KIAA0586: variants seen among roughly 807,000 people sequenced by gnomAD.
KIAA0586 encodes the protein KIAA0586.
KIAA0586 carries 144 observed loss-of-function variants against 169.8 expected under a neutral mutation model. The observed-to-expected ratio is 0.85, with a 90% CI of 0.74 to 0.97. The LOEUF is 0.97. Ranked by LOEUF, KIAA0586 falls within the 50% of genes least tolerant of loss-of-function variation. The pLI, the probability that KIAA0586 is intolerant of heterozygous loss-of-function variation, is 0.00. For synonymous variants in KIAA0586, 625 were observed against 612.4 expected (o/e 1.02, Z -0.30); for missense variants, 1,854 against 1,823.0 (o/e 1.02, Z -0.31).
At chr14:58,468,261 G>A (rs2040928950) in intron 16 of KIAA0586, among the ~76,000 whole-genome samples, 2 of 151,922 alleles carry the variant, frequency 1.3e-5, no homozygotes. Context: ...TGTTGGCCAG[G>A]CTTGTCTCAA....
intron 10 of KIAA0586, 88 bp downstream of exon 10, chr14:58,456,898 G>A (rs1293177975): frequency 9.5e-6 from 7 of 733,952 alleles, no homozygotes; most frequent in Non-Finnish European, 1.6e-5. Context: ...AAATTAGGAG[G>A]AAGGATGAAG....
chr14:58,507,351 TATATA>T (rs200489419), intron 27 of KIAA0586, among the ~76,000 whole-genome samples: 2,466 of 145,538 alleles, frequency 0.017, 72 homozygotes, highest in African/African-American at 0.057. Flanking sequence ...TATAATATCA[TATATA>T]ATATATCATA....
chr14:58,487,952 C>T lies in KIAA0586; in HGVS notation c.3370C>T (p.Pro1124Ser), dbSNP rs1463751624. Residue 1124 changes from proline to serine, a missense_variant, in exon 23 of 31, where the codon CCA becomes TCA. Physicochemically the swap from Pro to Ser is moderately conservative, Grantham distance 74 (BLOSUM62 -1). Transcript: ENST00000652326. ...PTVTPTTTPP[P>S]AAAVFTPTLS... ...AGTTACCCCTACTACTACACCTCCTCCAGCGGCGGCAGTTTTTACCCCAAC... is the reference window on the plus strand; with the variant it reads ...AGTTACCCCTACTACTACACCTCCTTCAGCGGCGGCAGTTTTTACCCCAAC... The T allele has an allele frequency of 1.9e-6, 3 of 1,613,658 alleles. No individual in the cohort carries two copies. Among genetic ancestry groups the T allele is most frequent in the African/African-American group, 1.3e-5 (1 of 74,902 alleles).
chr14:58,468,723 A>G (rs1003717096), intron 16 of KIAA0586, among the ~76,000 whole-genome samples: 5 of 152,216 alleles, frequency 3.3e-5, no homozygotes, highest in Admixed American at 2.6e-4. Context: ...GCGACTTTCT[A>G]TTGACCAGTC....
chr14:58,459,856 G>A lies in KIAA0586; in HGVS notation c.1670G>A (p.Arg557Lys). The change falls in exon 13 of 31, where the codon AGA becomes AAA. Residue 557 changes from arginine (R) to lysine (K), a missense_variant. Arg to Lys is a conservative substitution (Grantham distance 26). Coordinates refer to ENST00000652326, the MANE Select transcript of KIAA0586 (RefSeq NM_001329943.3). ...GGTTATGTTAAGGATGAACTGTCAA[G>A]AACAGATTATGAACAAAAAAGATTT... The part of the protein sequence containing the change: ...ISAEIQDELS[R>K]TDYEQKRFDQ... 1 of 1,524,956 alleles carries A rather than the reference G, an allele frequency of 6.6e-7. No individual in the cohort carries two copies. The highest frequency in any genetic ancestry group is 8.8e-7 in the Non-Finnish European group (1 of 1,141,092). 94.5% of individuals were successfully genotyped at this position (1,524,956 alleles called of 1,614,324 possible).
chr14:58,497,016 C>T (rs949451503), intron 26 of KIAA0586, among the ~76,000 whole-genome samples: 1 of 151,068 alleles, frequency 6.6e-6, no homozygotes, highest in Non-Finnish European at 1.5e-5. Flanking sequence ...CTTTTGTTGC[C>T]CAGGCAGGAA....
chr14:58,440,041 A>G (rs756587887), intron 4 of KIAA0586: 1 of 220,968 alleles, frequency 4.5e-6, no homozygotes. Context: ...GTCTTTTTTT[A>G]ATTTTTAATT....
chr14:58,561,543 T>C, the KIAA0586 span, among the ~76,000 whole-genome samples: 2 of 152,216 alleles, frequency 1.3e-5, no homozygotes. Context: ...TTGGAAACTT[T>C]ATTAACATAC....
chr14:58,481,951 C>G (rs1402972140), intron 20 of KIAA0586, among the ~76,000 whole-genome samples: 1 of 151,722 alleles, frequency 6.6e-6, no homozygotes, highest in Non-Finnish European at 1.5e-5. Flanking sequence ...GTAGCTGGGA[C>G]TACAGGCGCC....
Position 58,492,133 on chromosome 14 carries a change from G to T in KIAA0586, c.3859-11G>T. ...ATTTATTTTTATTAATTGTCTTTATGTTTCTTTTAGGAGGATGATCCTCCT... is the reference window on the plus strand; with the variant it reads ...ATTTATTTTTATTAATTGTCTTTATTTTTCTTTTAGGAGGATGATCCTCCT... On this transcript the variant is annotated splice_polypyrimidine_tract_variant and intron_variant, in intron 25 of 30. Coordinates refer to ENST00000652326, the MANE Select transcript of KIAA0586 (RefSeq NM_001329943.3). 6.7e-7 allele frequency: 1 copy of T among 1,499,960 alleles called. No individual in the cohort carries two copies. The highest frequency in any genetic ancestry group is 8.9e-7 in the Non-Finnish European group (1 of 1,125,776). 92.9% of individuals were successfully genotyped at this position (1,499,960 alleles called of 1,614,324 possible).
At chr14:58,430,169 CTT>C (rs71448954) in intron 2 of KIAA0586, among the ~76,000 whole-genome samples, 1 of 140,804 alleles carries the variant, frequency 7.1e-6, no homozygotes, top group Non-Finnish European at 1.6e-5. Context: ...GTTGTTTTGT[CTT>C]TTTTTTTTTT....
chr14:58,442,266 C>T (rs546078446), intron 4 of KIAA0586, among the ~76,000 whole-genome samples: 7 of 152,224 alleles, frequency 4.6e-5, no homozygotes, highest in Non-Finnish European at 8.8e-5. Context: ...CATGCCACCA[C>T]GCCCGGCTAA....
chr14:58,470,546 C>A, intron 16 of KIAA0586, 67 bp from the exon 17 acceptor site: 1 of 902,950 alleles, frequency 1.1e-6, no homozygotes, highest in Non-Finnish European at 1.8e-6. Flanking sequence ...CATGTATATA[C>A]ACATACTCAT....
intron 4 of KIAA0586, among the ~76,000 whole-genome samples, chr14:58,438,074 A>G (rs1055559707): frequency 1.3e-5 from 2 of 152,182 alleles, no homozygotes; most frequent in African/African-American, 4.8e-5. Flanking sequence ...AGCAAGCAGG[A>G]TTCTTAGTGG....
intron 29 of KIAA0586, among the ~76,000 whole-genome samples, chr14:58,535,727 A>G (rs1408765974): frequency 1.3e-5 from 2 of 150,208 alleles, no homozygotes; most frequent in Non-Finnish European, 3.0e-5. Flanking sequence ...AGTGAACTCA[A>G]ATTAGTATAA....
chr14:58,487,000 A>AT lies in KIAA0586; in HGVS notation c.3145-3dup, dbSNP rs2042494846. On this transcript the variant is annotated splice_region_variant and splice_polypyrimidine_tract_variant and intron_variant, in intron 21 of 30. Coordinates refer to ENST00000652326, the MANE Select transcript of KIAA0586 (RefSeq NM_001329943.3). Reference sequence around the variant, plus strand: ...AAACACAGTTTATCTTGTTTTATTTATTTTAGGCAAGAGTGTGCACCCCAC... The same window carrying AT: ...AAACACAGTTTATCTTGTTTTATTTATTTTTAGGCAAGAGTGTGCACCCCAC... The AT allele has an allele frequency of 6.3e-7, 1 of 1,581,260 alleles. No homozygotes were observed. Among genetic ancestry groups the AT allele is most frequent in the African/African-American group, 1.4e-5 (1 of 73,306 alleles).
chr14:58,539,799 C>G (rs1306076409), intron 29 of KIAA0586: 3 of 257,778 alleles, frequency 1.2e-5, no homozygotes, highest in Non-Finnish European at 2.2e-5. Context: ...ATACAAATTT[C>G]AGATTTTCTC....
intron 29 of KIAA0586, chr14:58,537,202 G>T (rs1015462937): frequency 3.6e-5 from 37 of 1,032,904 alleles, no homozygotes; most frequent in Admixed American, 5.6e-5. Flanking sequence ...GAATAAAAGT[G>T]GTCAACTCTG....
At position 58,498,188 on chromosome 14, in the gene KIAA0586, T is replaced by G. The variant is rs549129452; in HGVS notation, c.3991-595T>G. Among the ~76,000 whole-genome samples the G allele has an allele frequency of 1.3e-4, 20 of 152,054 alleles. No individual in the cohort carries two copies. In the East Asian group the frequency reaches 3.5e-3, roughly 26 times the overall value. ...ACCGTGCCCAGCTGATTTTTTGTGTTTTTTTTGACACAGGGTCTCACTGTA... is the reference window on the plus strand; with the variant it reads ...ACCGTGCCCAGCTGATTTTTTGTGTGTTTTTTGACACAGGGTCTCACTGTA... On this transcript the variant is annotated intron_variant, in intron 26 of 30. Transcript: ENST00000652326.
Sources: allele counts gnomAD v4.1 joint callset (sites outside exome capture counted in the v4.1 genomes callset), GRCh38; gene constraint gnomAD v4.1.1; transcripts MANE v1.5; gene names NCBI Gene and HGNC (gene_info 2026-07-23, HGNC 2026-07-21).